SATL1: variants seen among roughly 807,000 people sequenced by gnomAD.
SATL1 encodes the protein spermidine/spermine N1-acetyl transferase like 1, also known as spermidine/spermine N(1)-acetyltransferase-like protein 1.
Under a neutral mutation model 51.8 loss-of-function variants are expected in SATL1, and 47 were observed. The observed-to-expected ratio is 0.91, with a 90% CI of 0.72 to 1.16. The LOEUF (loss-of-function observed/expected upper bound fraction) is 1.16. Ranked by LOEUF, SATL1 falls within the 50% of genes most tolerant of loss-of-function variation. The probability of loss-of-function intolerance (pLI) is 0.00; values close to 1 mark genes in which losing one functional copy is unlikely to be tolerated. For missense variants in SATL1, 520 were observed against 526.4 expected (o/e 0.99, Z 0.12); for synonymous variants, 176 against 182.4 (o/e 0.97, Z 0.28).
At chrX:85,162,989 G>A (rs998857501) in intron 2 of SATL1, among the ~76,000 whole-genome samples, 1 of 107,248 alleles carries the variant, frequency 9.3e-6, no homozygotes, top group Non-Finnish European at 1.9e-5. Context: ...CAGAGGTATC[G>A]GTCTGTAGTT....
At chrX:85,173,437 T>C (rs915908807) in intron 2 of SATL1, among the ~76,000 whole-genome samples, 1 of 111,431 alleles carries the variant, frequency 9.0e-6, no homozygotes, top group African/African-American at 3.2e-5. Flanking sequence ...ACTGCATTTT[T>C]CTTTATGGGT....
chrX:85,195,959 C>T (rs916549805), intron 2 of SATL1, among the ~76,000 whole-genome samples: 1 of 110,013 alleles, frequency 9.1e-6, no homozygotes, highest in Non-Finnish European at 1.9e-5. Context: ...GTGCATTCTT[C>T]AAGGCTGGGG....
At chrX:85,134,167 ATG>A (rs762909012) in intron 2 of SATL1, among the ~76,000 whole-genome samples, 25 of 109,075 alleles carry the variant, frequency 2.3e-4, no homozygotes, top group East Asian at 2.0e-3. Context: ...ATGTATATAT[ATG>A]TGTGTGTGTG....
chrX:85,146,384 C>T (rs1156244833), intron 2 of SATL1, among the ~76,000 whole-genome samples: 1 of 111,552 alleles, frequency 9.0e-6, no homozygotes, highest in Non-Finnish European at 1.9e-5. Flanking sequence ...AGGTGATGGA[C>T]ACCCCATTTA....
chrX:85,108,381 T>C lies in SATL1; in HGVS notation c.588A>G (p.Pro196=). 1 of 1,211,690 alleles carries C rather than the reference T, an allele frequency of 8.3e-7. No homozygotes were observed. Residue 196 remains proline (P), a synonymous_variant, in exon 3 of 8, where the codon CCA becomes CCG. Transcript: ENST00000644105. ...PNMSPPGMWQ[P]GVQQPGISQQ... ...GGCTGATGCCTGGTTGTTGCACGCC[T>C]GGTTGCCACATGCCTGGTGGACTCA...
chrX:85,166,296 A>C (rs1926832943), intron 2 of SATL1, among the ~76,000 whole-genome samples: 1 of 111,952 alleles, frequency 8.9e-6, no homozygotes, highest in African/African-American at 3.2e-5. Flanking sequence ...TAATTAAACT[A>C]AAAAGGGTCT....
intron 2 of SATL1, among the ~76,000 whole-genome samples, chrX:85,147,337 C>T (rs900375476): frequency 8.9e-6 from 1 of 112,329 alleles, no homozygotes; most frequent in African/African-American, 3.2e-5. Flanking sequence ...CTGGGTGGAG[C>T]CCACCACAGC....
chrX:85,100,332 A>C (rs1924861609), intron 4 of SATL1, among the ~76,000 whole-genome samples: 2 of 112,727 alleles, frequency 1.8e-5, no homozygotes, highest in Non-Finnish European at 3.7e-5. Flanking sequence ...AGAGCTGTAA[A>C]CAAATTCAGC....
intron 2 of SATL1, among the ~76,000 whole-genome samples, chrX:85,216,104 A>G (rs748994351): frequency 3.6e-5 from 4 of 111,887 alleles, no homozygotes; most frequent in Admixed American, 2.8e-4. Context: ...AATGAAGGAA[A>G]GCTGGCATGT....
chrX:85,208,497 A>G (rs1296062659), intron 2 of SATL1, among the ~76,000 whole-genome samples: 1 of 111,650 alleles, frequency 9.0e-6, no homozygotes, highest in Non-Finnish European at 1.9e-5. Context: ...CAATGGTTGA[A>G]CTAATTTACA....
intron 1 of SATL1, among the ~76,000 whole-genome samples, chrX:85,225,604 A>G (rs1303606566): frequency 8.9e-6 from 1 of 112,248 alleles, no homozygotes; most frequent in African/African-American, 3.2e-5. Flanking sequence ...AGCATTCTGG[A>G]TAGATGGGGG....
At chrX:85,187,951 C>A (rs758151664) in intron 2 of SATL1, among the ~76,000 whole-genome samples, 1 of 110,347 alleles carries the variant, frequency 9.1e-6, no homozygotes, top group Non-Finnish European at 1.9e-5. Flanking sequence ...CTTTTAAATT[C>A]TCCTAGAAGC....
intron 4 of SATL1, among the ~76,000 whole-genome samples, chrX:85,096,472 G>A (rs1393311996): frequency 3.6e-5 from 4 of 110,855 alleles, no homozygotes; most frequent in Non-Finnish European, 5.7e-5. Context: ...CAGGAGAGAG[G>A]GAGAGAGAGA....
intron 2 of SATL1, among the ~76,000 whole-genome samples, chrX:85,125,160 TG>T (rs2147703000): frequency 1.8e-5 from 2 of 110,698 alleles, no homozygotes; most frequent in Non-Finnish European, 3.8e-5. Context: ...AAGAATAGAC[TG>T]GGTTGGCCAA....
At chrX:85,092,688 G>C in intron 7 of SATL1, 127 bp from the exon 8 acceptor site, 1 of 636,343 alleles carries the variant, frequency 1.6e-6, no homozygotes, top group Non-Finnish European at 2.3e-6. Flanking sequence ...AAATATAGTA[G>C]TTACCTTTTG....
intron 2 of SATL1, chrX:85,142,888 T>C (rs753515120): frequency 1.8e-5 from 2 of 111,651 alleles, no homozygotes; most frequent in Non-Finnish European, 3.8e-5. Flanking sequence ...TCCTGAAAAC[T>C]CTCCTAACTT....
intron 3 of SATL1, among the ~76,000 whole-genome samples, chrX:85,104,864 G>A (rs995806593): frequency 3.6e-5 from 4 of 111,207 alleles, no homozygotes; most frequent in South Asian, 3.8e-4. Flanking sequence ...TGTTCAGTAC[G>A]GTTGCAATTT....
intron 2 of SATL1, among the ~76,000 whole-genome samples, chrX:85,115,264 G>A (rs747721535): frequency 5.3e-5 from 6 of 112,495 alleles, no homozygotes; most frequent in African/African-American, 1.6e-4. Context: ...TCCCAAAGGA[G>A]GGCTAACTCA....
At chrX:85,094,269 A>C (rs746132869) in intron 5 of SATL1, 40 bp from the exon 6 acceptor site, 1 of 777,350 alleles carries the variant, frequency 1.3e-6, no homozygotes, top group Non-Finnish European at 2.0e-6. Flanking sequence ...GGTTGGTTGA[A>C]TCTTAGCCAG....
Sources: allele counts gnomAD v4.1 joint callset (sites outside exome capture counted in the v4.1 genomes callset), GRCh38; gene constraint gnomAD v4.1.1; transcripts MANE v1.5; gene names NCBI Gene and HGNC (gene_info 2026-07-23, HGNC 2026-07-21).